Variants in ARHGAP21 observed in about 807,000 individuals in gnomAD.
ARHGAP21 encodes the protein rho GTPase-activating protein 21.
A neutral mutation model predicts 164.6 loss-of-function variants in ARHGAP21; 38 were observed. The ratio of observed to expected loss-of-function variants is 0.23; its 90% CI spans 0.18 to 0.30. The LOEUF (loss-of-function observed/expected upper bound fraction) is 0.30, where lower values mean the gene tolerates loss of function less well. Ranked by LOEUF, ARHGAP21 falls within the 10% of genes least tolerant of loss-of-function variation. ARHGAP21 has a pLI of 1.00. For synonymous variants in ARHGAP21, 766 were observed against 857.9 expected (o/e 0.89, Z 1.87); for missense variants, 1,822 against 2,370.7 (o/e 0.77, Z 4.81).
intron 2 of ARHGAP21, among the ~76,000 whole-genome samples, chr10:24,683,014 T>C (rs1252807667): frequency 6.8e-6 from 1 of 147,994 alleles, no homozygotes; most frequent in Non-Finnish European, 1.5e-5. Flanking sequence ...GAGAATGGCG[T>C]GAACCCGGGA....
chr10:24,686,040 A>G (rs188699376), intron 2 of ARHGAP21, among the ~76,000 whole-genome samples: 28 of 152,326 alleles, frequency 1.8e-4, no homozygotes, highest in Non-Finnish European at 3.5e-4. Flanking sequence ...AGAAACTTCA[A>G]TTTTATACTT....
chr10:24,602,057 T>C lies in ARHGAP21; in HGVS notation c.2768A>G (p.Asp923Gly). Residue 923 changes from aspartate (D) to glycine (G), a missense_variant, in exon 13 of 26, where the codon GAT becomes GGT. Physicochemically the swap from Asp to Gly is moderately conservative, Grantham distance 94. Transcript: ENST00000396432. ...ATCACTGAAGACCTCTGAGGAAGAATCTTTTCTGGACCCAGAGTCTTCTGA... is the reference window on the plus strand; with the variant it reads ...ATCACTGAAGACCTCTGAGGAAGAACCTTTTCTGGACCCAGAGTCTTCTGA... ...KSSEDSGSRK[D>G]SSSEVFSDAA... is the part of the protein sequence containing the mutation. The C allele has an allele frequency of 6.2e-7, 1 of 1,613,288 alleles. No homozygotes were observed. The highest frequency in any genetic ancestry group is 8.5e-7 in the Non-Finnish European group (1 of 1,179,908).
chr10:24,691,298 C>T (rs1842747852), intron 2 of ARHGAP21, among the ~76,000 whole-genome samples: 1 of 152,214 alleles, frequency 6.6e-6, no homozygotes, highest in South Asian at 2.1e-4. Flanking sequence ...CGGCATGAAG[C>T]TGAGCTAATA....
chr10:24,654,300 TA>T (rs1838550802), intron 4 of ARHGAP21, among the ~76,000 whole-genome samples: 4 of 152,212 alleles, frequency 2.6e-5, no homozygotes, highest in Admixed American at 2.6e-4. Flanking sequence ...GAGAGAGAAA[TA>T]AAGCATATTC....
In ARHGAP21 at chr10:24,596,882, T is replaced by C. The variant is rs1216854232; in HGVS notation, c.3335A>G (p.Asp1112Gly). ...EESERKLLSK[D>G]DTSPPKDKGT... ...TTTGTCTTTTGGGGGACTGGTATCATCTTTTGATTGCCAGTCAAAATAAAA... is the reference window on the plus strand; with the variant it reads ...TTTGTCTTTTGGGGGACTGGTATCACCTTTTGATTGCCAGTCAAAATAAAA... The change falls in exon 17 of 26, where the codon GAT becomes GGT. Residue 1112 changes from aspartate (D) to glycine (G), a missense_variant and splice_region_variant. Physicochemically the swap from Asp to Gly is moderately conservative, Grantham distance 94. This residue lies in a region of ARHGAP21 where 1,090 missense variants were observed against 1,378.9 expected (regional missense o/e 0.79). Coordinates refer to ENST00000396432, the MANE Select transcript of ARHGAP21 (RefSeq NM_020824.4). The C allele has an allele frequency of 8.8e-6, 14 of 1,595,074 alleles. No homozygotes were observed. The highest frequency in any genetic ancestry group is 1.2e-5 in the Non-Finnish European group (14 of 1,175,436).
intron 2 of ARHGAP21, among the ~76,000 whole-genome samples, chr10:24,681,223 C>T (rs1841725693): frequency 1.3e-5 from 2 of 152,168 alleles, no homozygotes; most frequent in South Asian, 2.1e-4. Flanking sequence ...AGTTTCACAA[C>T]TGCATAAAGT....
chr10:24,614,626 T>C (rs2077397995), intron 9 of ARHGAP21, among the ~76,000 whole-genome samples: 1 of 151,474 alleles, frequency 6.6e-6, no homozygotes, highest in African/African-American at 2.4e-5. Context: ...CTACTAAAAA[T>C]ACAAAAATTA....
At chr10:24,638,526 G>A (rs985874046) in intron 4 of ARHGAP21, among the ~76,000 whole-genome samples, 8 of 152,178 alleles carry the variant, frequency 5.3e-5, no homozygotes, top group Non-Finnish European at 8.8e-5. Context: ...ATCCCGAATT[G>A]TGGTAATTCA....
chr10:24,584,443 C>T lies in ARHGAP21; in HGVS notation c.5846G>A (p.Gly1949Asp), dbSNP rs1296625940. The T allele has an allele frequency of 6.2e-7, 1 of 1,612,206 alleles. No individual in the cohort carries two copies. The highest frequency in any genetic ancestry group is 8.5e-7 in the Non-Finnish European group (1 of 1,179,022). The change falls in exon 26 of 26, where the codon GGC (glycine) becomes GAC (aspartate). Residue 1949 changes from glycine (G) to aspartate (D), a missense_variant. Coordinates refer to ENST00000396432, the MANE Select transcript of ARHGAP21 (RefSeq NM_020824.4). Reference sequence around the variant, plus strand: ...ACAGGGATGAAACTCTGCTTTACTGCCTGGGGTTTCAGACAGTTTATGAGG... The same window carrying T: ...ACAGGGATGAAACTCTGCTTTACTGTCTGGGGTTTCAGACAGTTTATGAGG... ...AQPHKLSETP[G>D]SKAEFHPCL is the part of the protein sequence containing the mutation.
intron 3 of ARHGAP21, among the ~76,000 whole-genome samples, chr10:24,668,830 T>C (rs1840434744): frequency 6.6e-6 from 1 of 152,170 alleles, no homozygotes; most frequent in South Asian, 2.1e-4. Flanking sequence ...ATAATACATG[T>C]TTATATAAGT....
At chr10:24,681,737 C>T (rs1352500874) in intron 2 of ARHGAP21, among the ~76,000 whole-genome samples, 1 of 151,974 alleles carries the variant, frequency 6.6e-6, no homozygotes, top group African/African-American at 2.4e-5. Context: ...GGTGATGCAA[C>T]ACCTTTTTAG....
intron 9 of ARHGAP21, among the ~76,000 whole-genome samples, chr10:24,618,853 T>C (rs186182980): frequency 6.6e-5 from 10 of 152,264 alleles, no homozygotes; most frequent in South Asian, 2.1e-4. Context: ...TGTGATCTAA[T>C]TGACATTTTT....
At chr10:24,595,283 A>C in intron 19 of ARHGAP21, 93 bp from the exon 20 acceptor site, 2 of 1,046,190 alleles carry the variant, frequency 1.9e-6, no homozygotes, top group Non-Finnish European at 2.8e-6. Flanking sequence ...AAACCACAAC[A>C]TAGGAAAGAG....
chr10:24,704,856 G>C (rs1253744958), intron 2 of ARHGAP21, among the ~76,000 whole-genome samples: 3 of 152,056 alleles, frequency 2.0e-5, no homozygotes, highest in Non-Finnish European at 4.4e-5. Flanking sequence ...TCCTCCCAAG[G>C]TGCTGGTATT....
At chr10:24,666,052 C>T (rs953235672) in intron 4 of ARHGAP21, among the ~76,000 whole-genome samples, 5 of 152,106 alleles carry the variant, frequency 3.3e-5, no homozygotes, top group Non-Finnish European at 5.9e-5. Flanking sequence ...TTTTTTGAGA[C>T]GGAGTCTCGC....
intron 24 of ARHGAP21, 113 bp from the exon 25 acceptor site, chr10:24,589,415 C>G: frequency 1.1e-6 from 1 of 937,674 alleles, no homozygotes; most frequent in East Asian, 2.7e-5. Flanking sequence ...AAGCAAAACT[C>G]AAAACAATAG....
chr10:24,589,080 T>C (rs1407257947), intron 25 of ARHGAP21, among the ~76,000 whole-genome samples, 191 bp downstream of exon 25: 1 of 152,208 alleles, frequency 6.6e-6, no homozygotes, highest in African/African-American at 2.4e-5. Context: ...ATATGAACTT[T>C]TGAGTTCTTA....
intron 9 of ARHGAP21, among the ~76,000 whole-genome samples, chr10:24,611,088 T>C (rs867044872): frequency 2.6e-5 from 4 of 152,224 alleles, no homozygotes; most frequent in South Asian, 2.1e-4. Flanking sequence ...TCTATGCTTG[T>C]CTATCCCAGA....
In ARHGAP21 at chr10:24,709,121, T is replaced by A. The variant is rs1593364006; in HGVS notation, c.63+12716A>T. On this transcript the variant is annotated intron_variant, in intron 2 of 25. Transcript: ENST00000396432. ...AATACAAACGATCATCAAAAACTAT[T>A]ATGAACAGCAATTATGCTCACAAAC... Among the ~76,000 whole-genome samples, 3 of 152,298 alleles carry A rather than the reference T, an allele frequency of 2.0e-5. No homozygotes were observed. In the East Asian group the frequency reaches 5.8e-4, roughly 29 times the overall value.
Sources: gnomAD v4.1 joint callset for allele counts (sites outside exome capture counted in the v4.1 genomes callset) on GRCh38, gnomAD v4.1.1 for gene constraint, gnomAD v4.1.1 regional missense constraint, MANE v1.5 for transcripts, NCBI Gene and HGNC (gene_info 2026-07-23, HGNC 2026-07-21) for gene names.